Variants in MDM2 observed in about 807,000 individuals in gnomAD.
The protein encoded by MDM2 is E3 ubiquitin-protein ligase Mdm2.
Under a neutral mutation model 64.3 loss-of-function variants are expected in MDM2, and 11 were observed. That is an observed-to-expected ratio of 0.17 (90% CI 0.11 to 0.28). MDM2 has a LOEUF of 0.28. Ranked by LOEUF, MDM2 falls within the 10% of genes least tolerant of loss-of-function variation. The pLI, the probability that MDM2 is intolerant of heterozygous loss-of-function variation, is 1.00. For missense variants in MDM2, 388 were observed against 577.1 expected (o/e 0.67, Z 3.36); for synonymous variants, 194 against 192.9 (o/e 1.01, Z -0.05).
downstream of MDM2, chr12:68,848,502 G>T (rs1884482609): frequency 6.6e-6 from 1 of 151,990 alleles, no homozygotes; most frequent in Admixed American, 6.6e-5. Context: ...CCAAATTATT[G>T]TTTGTGCAAT....
At position 68,842,914 on chromosome 12, in the gene MDM2, A is replaced by G. The variant is rs1461713185; in HGVS notation, c.*3065A>G. 1.4e-5 allele frequency: 3 copies of G among 208,658 alleles called. No homozygotes were observed. Among genetic ancestry groups the G allele is most frequent in the African/African-American group, 2.3e-5 (1 of 43,910 alleles). The allele number at this position is 208,658 out of a possible 1,614,324, so 12.9% of individuals were successfully genotyped here. On this transcript the variant is annotated 3_prime_UTR_variant, in exon 11 of 11. Coordinates refer to ENST00000258149, the MANE Select transcript of MDM2 (RefSeq NM_002392.6). ...TGATCTCTTTTAATTGTTCTGACAG[A>G]TAGTTGGGGATGAGAGCCGAATAAG...
chr12:68,811,118 G>A (rs1336554038), intron 2 of MDM2, among the ~76,000 whole-genome samples: 2 of 152,094 alleles, frequency 1.3e-5, no homozygotes, highest in East Asian at 3.9e-4. Context: ...GCCTGCCTCG[G>A]CCTCCCAAAG....
chr12:68,815,610 T>G, intron 3 of MDM2: 1 of 409,114 alleles, frequency 2.4e-6, no homozygotes, highest in Admixed American at 2.7e-5. Context: ...CCTGGCTAAT[T>G]TTTGTATTTT....
intron 7 of MDM2, among the ~76,000 whole-genome samples, chr12:68,827,233 T>C (rs1041993702): frequency 2.6e-5 from 4 of 152,188 alleles, no homozygotes; most frequent in African/African-American, 9.7e-5. Flanking sequence ...CTCATTTTAA[T>C]TTTTGTCATT....
chr12:68,822,634 A>T (rs1418742010), intron 5 of MDM2, among the ~76,000 whole-genome samples: 1 of 152,146 alleles, frequency 6.6e-6, no homozygotes, highest in Non-Finnish European at 1.5e-5. Flanking sequence ...TTACTAGAAA[A>T]ATTGTATTAT....
At chr12:68,831,203 C>CGTTT (rs1882765651) in intron 8 of MDM2, among the ~76,000 whole-genome samples, 1 of 151,980 alleles carries the variant, frequency 6.6e-6, no homozygotes, top group Non-Finnish European at 1.5e-5. Context: ...AGGAGCAGAG[C>CGTTT]GTTTAATAGG....
At position 68,832,608 on chromosome 12, in the gene MDM2, T is replaced by A. The variant is rs568587608; in HGVS notation, c.685-3221T>A. Among the ~76,000 whole-genome samples the A allele has an allele frequency of 5.3e-5, 8 of 151,928 alleles. No homozygotes were observed. The South Asian group carries it at 1.7e-3, about 32-fold the overall frequency. On this transcript the variant is annotated intron_variant, in intron 8 of 10. Transcript: ENST00000258149. ...CTTACTGCAACCTCAACCTCCTGGGTTCAAGCAATCCTTCCTCCTCAGCCT... is the reference window on the plus strand; with the variant it reads ...CTTACTGCAACCTCAACCTCCTGGGATCAAGCAATCCTTCCTCCTCAGCCT...
chr12:68,836,591 T>C (rs1173063480), intron 9 of MDM2, 81 bp from the exon 10 acceptor site: 1 of 922,558 alleles, frequency 1.1e-6, no homozygotes, highest in East Asian at 2.4e-5. Flanking sequence ...ACATGATATT[T>C]GTTTAGGACT....
chr12:68,831,165 C>A (rs763543239), intron 8 of MDM2, among the ~76,000 whole-genome samples: 2 of 152,028 alleles, frequency 1.3e-5, no homozygotes, highest in Non-Finnish European at 2.9e-5. Context: ...TTAGATAAAA[C>A]GACACGGACA....
intron 4 of MDM2, among the ~76,000 whole-genome samples, chr12:68,818,707 A>G (rs1881600503): frequency 6.6e-6 from 1 of 151,422 alleles, no homozygotes; most frequent in Non-Finnish European, 1.5e-5. Flanking sequence ...TTTAAAAATA[A>G]CTATATTGGT....
intron 2 of MDM2, among the ~76,000 whole-genome samples, chr12:68,812,173 G>C (rs3730510): frequency 6.7e-6 from 1 of 149,870 alleles, no homozygotes. Context: ...TAGCCTGAAA[G>C]TAAAGTGCAT....
At chr12:68,837,409 G>T (rs1255099715) in intron 10 of MDM2, among the ~76,000 whole-genome samples, 1 of 151,492 alleles carries the variant, frequency 6.6e-6, no homozygotes, top group East Asian at 1.9e-4. Context: ...TTCCAGGCTG[G>T]AGTGCAGTGA....
rs1883974264 is a variant in MDM2 at position 68,843,366 on chromosome 12, T to C, written c.*3517T>C. 1.7e-5 allele frequency: 4 copies of C among 231,104 alleles called. No individual in the cohort carries two copies. The highest frequency in any genetic ancestry group is 5.6e-5 in the Admixed American group (1 of 17,722). The allele number at this position is 231,104 out of a possible 1,614,324, so 14.3% of individuals were successfully genotyped here. On this transcript the variant is annotated 3_prime_UTR_variant, in exon 11 of 11. Transcript: ENST00000258149. The stretch of plus-strand genomic sequence containing the variant: ...GAATGTTCTTGCTACAAATAAATGA[T>C]ATTTGAGCTGATGGGTGTGCTAATT...
At chr12:68,828,599 A>G (rs3730603) in intron 7 of MDM2, 172 bp from the exon 8 acceptor site, 33,282 of 557,148 alleles carry the variant, frequency 0.06, 1,197 homozygotes, top group African/African-American at 0.1. Context: ...AAACAAATAA[A>G]TAAATACACA....
intron 7 of MDM2, 93 bp downstream of exon 7, chr12:68,824,744 C>T: frequency 1.1e-5 from 9 of 815,568 alleles, no homozygotes; most frequent in South Asian, 1.1e-4. Context: ...TAAATTGTTC[C>T]CTTTTTTTGG....
downstream of MDM2, chr12:68,847,661 G>A (rs1434719984): frequency 6.6e-6 from 1 of 151,488 alleles, no homozygotes; most frequent in South Asian, 2.1e-4. Flanking sequence ...CACCGTGTTA[G>A]CCAAGATGGT....
rs1880532506 is a variant in MDM2 at position 68,808,277 on chromosome 12, C to T, written c.-201C>T. The T allele has an allele frequency of 1.6e-6, 1 of 633,480 alleles. No individual in the cohort carries two copies. The highest frequency in any genetic ancestry group is 3.0e-5 in the East Asian group (1 of 33,874). 39.2% of individuals were successfully genotyped at this position (633,480 alleles called of 1,614,324 possible). A position where few individuals can be genotyped will look rare whatever the true frequency, so the allele number is the denominator to read the frequency against. On this transcript the variant is annotated 5_prime_UTR_variant, in exon 1 of 11. Transcript: ENST00000258149. ...GCAAGAAGCCGAGCCCGAGGGGCGGCCGCGACCCCTCTGACCGAGATCCTG... is the reference window on the plus strand; with the variant it reads ...GCAAGAAGCCGAGCCCGAGGGGCGGTCGCGACCCCTCTGACCGAGATCCTG...
In MDM2 at chr12:68,836,750, G is replaced by C; in HGVS notation, c.918+1G>C. 2 of 1,595,872 alleles carry C rather than the reference G, an allele frequency of 1.3e-6. No individual in the cohort carries two copies. The highest frequency in any genetic ancestry group is 1.7e-6 in the Non-Finnish European group (2 of 1,164,170). ...AGAAGATCCTGAAATTTCCTTAGCTGTAAGTATACATCTACTTTTTTAAGA... is the reference window on the plus strand; with the variant it reads ...AGAAGATCCTGAAATTTCCTTAGCTCTAAGTATACATCTACTTTTTTAAGA... On this transcript the variant is annotated splice_donor_variant, in intron 10 of 10. Transcript: ENST00000258149. LOFTEE classifies it high-confidence loss of function.
intron 2 of MDM2, among the ~76,000 whole-genome samples, chr12:68,812,797 C>T (rs1328399382): frequency 1.3e-5 from 2 of 152,050 alleles, no homozygotes; most frequent in African/African-American, 4.8e-5. Context: ...GCAACCATGC[C>T]CGTTGGTTTA....
Sources: allele counts gnomAD v4.1 joint callset (sites outside exome capture counted in the v4.1 genomes callset), GRCh38; gene constraint gnomAD v4.1.1; transcripts MANE v1.5; gene names NCBI Gene and HGNC (gene_info 2026-07-23, HGNC 2026-07-21).